The following MME variants were observed in gnomAD, a reference collection of about 807,000 sequenced individuals.
The protein encoded by MME is neprilysin.
In MME, 98 loss-of-function variants were observed where a neutral mutation model predicts 113.2. That is an observed-to-expected ratio of 0.87 (90% CI 0.74 to 1.02). The LOEUF (loss-of-function observed/expected upper bound fraction) is 1.02, where lower values mean the gene tolerates loss of function less well. Among genes scored for constraint, MME ranks in the 50% least tolerant of loss-of-function variants. The pLI, the probability that MME is intolerant of heterozygous loss-of-function variation, is 0.00. For missense variants in MME, 836 were observed against 896.0 expected (o/e 0.93, Z 0.86); for synonymous variants, 292 against 300.6 (o/e 0.97, Z 0.30).
At chr3:155,080,203 C>A (rs954629972), upstream of MME, 3 of 152,560 alleles carry the variant, frequency 2.0e-5, no homozygotes, top group Non-Finnish European at 4.4e-5. Flanking sequence ...GGAGGCGTGC[C>A]CTGGGAAGGA....
chr3:155,105,697 C>A (rs1156836603), intron 3 of MME, among the ~76,000 whole-genome samples: 1 of 152,278 alleles, frequency 6.6e-6, no homozygotes, highest in East Asian at 1.9e-4. Context: ...CACTTACCGT[C>A]AATTTCTATA....
At chr3:155,150,073 A>G (rs1721812287) in intron 16 of MME, among the ~76,000 whole-genome samples, 1 of 152,216 alleles carries the variant, frequency 6.6e-6, no homozygotes, top group South Asian at 2.1e-4. Context: ...ATAAGTCTGT[A>G]TATTTGTATT....
At position 155,166,958 on chromosome 3, in the gene MME, T is replaced by C; in HGVS notation, c.1717T>C (p.Leu573=). Residue 573 remains leucine, a synonymous_variant, in exon 18 of 23, where the codon TTG becomes CTG. Coordinates refer to ENST00000360490, the MANE Select transcript of MME (RefSeq NM_007289.4). The part of the protein sequence containing the change: ...PFFSAQQSNS[L]NYGGIGMVIG... ...CTTTAGTGCCCAGCAGTCCAACTCA[T>C]TGAACTATGGGGGCATCGGCATGGT... 1.2e-6 allele frequency: 2 copies of C among 1,613,730 alleles called. No homozygotes were observed. The highest frequency in any genetic ancestry group is 1.7e-6 in the Non-Finnish European group (2 of 1,179,774).
intron 1 of MME, among the ~76,000 whole-genome samples, chr3:155,056,178 A>T (rs965487430): frequency 2.0e-5 from 3 of 151,890 alleles, no homozygotes; most frequent in African/African-American, 7.3e-5. Flanking sequence ...TCCTTTTTTT[A>T]AATTTTATTA....
chr3:155,161,033 G>A (rs3773881), intron 17 of MME, among the ~76,000 whole-genome samples: 15,835 of 151,960 alleles, frequency 0.1, 1,141 homozygotes, highest in African/African-American at 0.18. Flanking sequence ...TCGTAAGTTC[G>A]CTTATAGTAT....
chr3:155,065,972 G>A (rs942540306), intron 1 of MME, among the ~76,000 whole-genome samples: 1 of 152,150 alleles, frequency 6.6e-6, no homozygotes, highest in Admixed American at 6.5e-5. Context: ...AGGGTGAATA[G>A]GACAGGGATT....
chr3:155,169,113 T>A (rs1460014301), intron 20 of MME, among the ~76,000 whole-genome samples: 3 of 152,178 alleles, frequency 2.0e-5, no homozygotes, highest in Non-Finnish European at 4.4e-5. Context: ...ATCTCTGGAA[T>A]AATTTTTTTA....
chr3:155,101,278 G>A (rs1717192571), intron 3 of MME, among the ~76,000 whole-genome samples: 1 of 152,118 alleles, frequency 6.6e-6, no homozygotes. Context: ...TTTCTTTATG[G>A]CATTGCAAGA....
chr3:155,048,940 C>A (rs760686559), intron 1 of MME, among the ~76,000 whole-genome samples: 1 of 152,058 alleles, frequency 6.6e-6, no homozygotes, highest in Admixed American at 6.6e-5. Flanking sequence ...TTATCTCAAA[C>A]CTTCCCTCCA....
upstream of MME, chr3:155,080,170 G>C (rs1243313516): frequency 1.3e-5 from 2 of 152,560 alleles, no homozygotes; most frequent in Admixed American, 1.3e-4. Context: ...CGATCCGAGC[G>C]CCCAGGACCC....
rs545515644 is a variant in MME at position 155,118,726 on chromosome 3, T to C, written c.655-20T>C. ...ATATTCACTGAATGATTTATTTTCT[T>C]TTATGTATATTTTTTATAGATTGAC... On this transcript the variant is annotated intron_variant, in intron 7 of 22. Transcript: ENST00000360490. 19 of 1,472,324 alleles carry C rather than the reference T, an allele frequency of 1.3e-5. No individual in the cohort carries two copies. The Admixed American group carries it at 3.3e-4, about 25-fold the overall frequency. 91.2% of individuals were successfully genotyped at this position (1,472,324 alleles called of 1,614,324 possible).
chr3:155,149,684 G>A (rs1321081680), intron 16 of MME, among the ~76,000 whole-genome samples: 1 of 151,284 alleles, frequency 6.6e-6, no homozygotes, highest in African/African-American at 2.4e-5. Context: ...AAAGTACAAA[G>A]TGCTGTGGGC....
intron 8 of MME, among the ~76,000 whole-genome samples, chr3:155,134,124 T>A (rs1720428040): frequency 6.6e-6 from 1 of 152,098 alleles, no homozygotes; most frequent in Non-Finnish European, 1.5e-5. Context: ...GATTAGAGTT[T>A]TTTAAAAATA....
intron 17 of MME, among the ~76,000 whole-genome samples, chr3:155,163,721 CTG>C (rs1722880419): frequency 6.6e-6 from 1 of 152,004 alleles, no homozygotes; most frequent in African/African-American, 2.4e-5. Flanking sequence ...TGTGTTCAGT[CTG>C]TGTCGACTAT....
At chr3:155,043,698 T>G (rs1713438842) in intron 1 of MME, among the ~76,000 whole-genome samples, 1 of 152,148 alleles carries the variant, frequency 6.6e-6, no homozygotes, top group African/African-American at 2.4e-5. Flanking sequence ...TAAATAGTTG[T>G]ATCTATTACT....
intron 8 of MME, among the ~76,000 whole-genome samples, chr3:155,126,958 G>T (rs994121985): frequency 2.1e-5 from 3 of 146,318 alleles, no homozygotes; most frequent in African/African-American, 7.7e-5. Flanking sequence ...AGTGAGCCAA[G>T]ATCGTGCCAT....
Position 155,116,866 on chromosome 3 carries a change from A to G in MME, c.536-2A>G. 1 of 1,588,024 alleles carries G rather than the reference A, an allele frequency of 6.3e-7. No individual in the cohort carries two copies. Among genetic ancestry groups the G allele is most frequent in the Non-Finnish European group, 8.6e-7 (1 of 1,156,644 alleles). On this transcript the variant is annotated splice_acceptor_variant, in intron 6 of 22. Coordinates refer to ENST00000360490, the MANE Select transcript of MME (RefSeq NM_007289.4). LOFTEE classifies it high-confidence loss of function. ...GATATATTTTATCTTTTATTGCTTT[A>G]GGTGCTTCTTGGACAGCTGAAAAAG...
At chr3:155,154,119 G>A (rs1447904182) in intron 16 of MME, among the ~76,000 whole-genome samples, 4 of 152,100 alleles carry the variant, frequency 2.6e-5, no homozygotes, top group African/African-American at 9.7e-5. Flanking sequence ...GGTGAGCAGA[G>A]GATTCACAAA....
At chr3:155,167,332 T>C (rs1723175959) in intron 18 of MME, among the ~76,000 whole-genome samples, 1 of 152,152 alleles carries the variant, frequency 6.6e-6, no homozygotes, top group Non-Finnish European at 1.5e-5. Flanking sequence ...ATGACGTATC[T>C]TGTCATACTC....
Sources: allele counts gnomAD v4.1 joint callset (sites outside exome capture counted in the v4.1 genomes callset), GRCh38; gene constraint gnomAD v4.1.1; transcripts MANE v1.5; gene names NCBI Gene and HGNC (gene_info 2026-07-23, HGNC 2026-07-21).